Variants in TRPM3 observed in about 807,000 individuals in gnomAD.
TRPM3 encodes long transient receptor potential channel 3.
In TRPM3, 77 loss-of-function variants were observed where a neutral mutation model predicts 181.2. The observed-to-expected ratio is 0.42, with a 90% CI of 0.35 to 0.51. The LOEUF (loss-of-function observed/expected upper bound fraction) is 0.51, where lower values mean the gene tolerates loss of function less well. Ranked by LOEUF, TRPM3 falls within the 20% of genes least tolerant of loss-of-function variation. The pLI is 0.01. For synonymous variants in TRPM3, 745 were observed against 796.4 expected (o/e 0.94, Z 1.09); for missense variants, 1,759 against 2,196.7 (o/e 0.80, Z 3.98).
intron 1 of TRPM3, among the ~76,000 whole-genome samples, chr9:71,053,848 A>G (rs1218610230): frequency 6.6e-6 from 1 of 152,204 alleles, no homozygotes; most frequent in African/African-American, 2.4e-5. Flanking sequence ...AATACATATT[A>G]CTGGCCAACT....
chr9:71,198,718 AT>A (rs1318187959), intron 1 of TRPM3, among the ~76,000 whole-genome samples: 9 of 151,146 alleles, frequency 6.0e-5, no homozygotes, highest in African/African-American at 2.2e-4. Flanking sequence ...TTGTACATTG[AT>A]TTTGTATCCT....
intron 1 of TRPM3, among the ~76,000 whole-genome samples, chr9:70,918,046 G>C (rs1168817062): frequency 1.3e-5 from 2 of 151,922 alleles, no homozygotes; most frequent in Admixed American, 1.3e-4. Flanking sequence ...GGTAAGAAGA[G>C]ACAAAGTAGG....
At chr9:70,612,235 C>CTT (rs1449186089) in intron 18 of TRPM3, among the ~76,000 whole-genome samples, 3 of 152,170 alleles carry the variant, frequency 2.0e-5, no homozygotes, top group African/African-American at 7.2e-5. Flanking sequence ...AATTTCTTGA[C>CTT]TTTAATTCTT....
intron 1 of TRPM3, among the ~76,000 whole-genome samples, chr9:71,403,845 A>G (rs1425433928): frequency 6.6e-6 from 1 of 152,160 alleles, no homozygotes; most frequent in Non-Finnish European, 1.5e-5. Flanking sequence ...GATAAACAAC[A>G]TGGGCATCTT....
intron 16 of TRPM3, among the ~76,000 whole-genome samples, chr9:70,619,861 G>C (rs1340464701): frequency 6.6e-6 from 1 of 152,214 alleles, no homozygotes; most frequent in Non-Finnish European, 1.5e-5. Context: ...ACCTCATGGG[G>C]AAGTTGACAG....
intron 1 of TRPM3, among the ~76,000 whole-genome samples, chr9:71,138,317 T>C (rs920695987): frequency 3.3e-5 from 5 of 152,172 alleles, no homozygotes; most frequent in African/African-American, 1.2e-4. Context: ...AATGCTCCCA[T>C]GCATTTCAGG....
intron 1 of TRPM3, among the ~76,000 whole-genome samples, chr9:71,212,863 G>GTATT (rs1208012849): frequency 6.6e-6 from 1 of 151,982 alleles, no homozygotes; most frequent in Non-Finnish European, 1.5e-5. Flanking sequence ...ATGTATGTAT[G>GTATT]TATGTATGTA....
At chr9:71,397,037 A>G (rs935532828) in intron 1 of TRPM3, among the ~76,000 whole-genome samples, 3 of 152,076 alleles carry the variant, frequency 2.0e-5, no homozygotes, top group African/African-American at 7.2e-5. Context: ...TTCCCCTTCA[A>G]TGTTCATATA....
intron 1 of TRPM3, among the ~76,000 whole-genome samples, chr9:71,306,668 G>C (rs953221137): frequency 3.9e-5 from 6 of 152,154 alleles, no homozygotes; most frequent in African/African-American, 1.4e-4. Context: ...AAGGTCAAGA[G>C]ATCGAGACAA....
intron 1 of TRPM3, among the ~76,000 whole-genome samples, chr9:70,884,119 A>G (rs1242759929): frequency 2.0e-5 from 3 of 152,148 alleles, no homozygotes; most frequent in Admixed American, 6.5e-5. Context: ...GCCATCCATA[A>G]TGAAGGGATT....
At chr9:71,162,207 A>G (rs544927614) in intron 1 of TRPM3, among the ~76,000 whole-genome samples, 1 of 150,920 alleles carries the variant, frequency 6.6e-6, no homozygotes, top group Admixed American at 6.6e-5. Context: ...CTCAAAAAAA[A>G]AAAAAAAAAA....
intron 1 of TRPM3, among the ~76,000 whole-genome samples, chr9:71,378,768 C>A (rs147427826): frequency 1.8e-4 from 28 of 152,108 alleles, no homozygotes; most frequent in Admixed American, 4.6e-4. Flanking sequence ...TTTAGTAAAT[C>A]ATACTTGCTA....
At chr9:71,381,054 A>G (rs2092788537) in intron 1 of TRPM3, among the ~76,000 whole-genome samples, 1 of 152,100 alleles carries the variant, frequency 6.6e-6, no homozygotes, top group Admixed American at 6.6e-5. Flanking sequence ...AGATTGAAAT[A>G]AGACTCAAGC....
intron 25 of TRPM3, among the ~76,000 whole-genome samples, chr9:70,548,191 T>C (rs2045542767): frequency 6.6e-6 from 1 of 152,192 alleles, no homozygotes; most frequent in African/African-American, 2.4e-5. Flanking sequence ...ATAAATAGCT[T>C]TCTCAAGGTC....
chr9:71,325,043 G>C (rs1183034326), intron 1 of TRPM3, among the ~76,000 whole-genome samples: 3 of 151,998 alleles, frequency 2.0e-5, no homozygotes, highest in African/African-American at 7.2e-5. Flanking sequence ...GAGTAGAGTG[G>C]CTATACTTAA....
At chr9:70,700,146 C>T (rs953706807) in intron 8 of TRPM3, among the ~76,000 whole-genome samples, 2 of 152,082 alleles carry the variant, frequency 1.3e-5, no homozygotes, top group African/African-American at 4.8e-5. Flanking sequence ...CCATGCCCGG[C>T]TAATTTTTGT....
chr9:70,613,657 C>T (rs2062317879), intron 18 of TRPM3, among the ~76,000 whole-genome samples: 1 of 152,214 alleles, frequency 6.6e-6, no homozygotes, highest in Non-Finnish European at 1.5e-5. Flanking sequence ...ATGTCCTTTC[C>T]TTCTTTCCTT....
upstream of TRPM3, chr9:71,121,700 C>T: frequency 7.8e-6 from 8 of 1,022,618 alleles, no homozygotes; most frequent in Non-Finnish European, 9.5e-6. Context: ...GCTTTGCTAG[C>T]TTGGTTTGGG....
chr9:70,664,641 GTTTTTTTT>G (rs71367210), intron 9 of TRPM3, among the ~76,000 whole-genome samples: 1 of 100,220 alleles, frequency 1.0e-5, no homozygotes, highest in Non-Finnish European at 2.0e-5. Context: ...TAGGAGAGTA[GTTTTTTTT>G]TTTTTTTTTT....
Sources: allele counts gnomAD v4.1 joint callset (sites outside exome capture counted in the v4.1 genomes callset), GRCh38; gene constraint gnomAD v4.1.1; transcripts MANE v1.5; gene names NCBI Gene and HGNC (gene_info 2026-07-23, HGNC 2026-07-21).